The following SLFN12 variants were observed in gnomAD, a reference collection of about 807,000 sequenced individuals.
The protein encoded by SLFN12 is ribonuclease SLFN12.
SLFN12 carries 25 observed loss-of-function variants against 29.1 expected under a neutral mutation model. The ratio of observed to expected loss-of-function variants is 0.86; its 90% CI spans 0.63 to 1.20. SLFN12 has a LOEUF of 1.20. SLFN12 is among the 50% of genes most tolerant of loss of function. The pLI is 0.00. For missense variants in SLFN12, 660 were observed against 666.2 expected, an observed-to-expected ratio of 0.99 and a Z score of 0.10; for synonymous variants, 257 against 238.7, an observed-to-expected ratio of 1.08 and a Z score of -0.71.
chr17:35,425,659 CCATT>C (rs1447638220), intron 1 of SLFN12, among the ~76,000 whole-genome samples: 3 of 151,834 alleles, frequency 2.0e-5, no homozygotes, highest in Admixed American at 6.6e-5. Flanking sequence ...TTTTCTTTAT[CCATT>C]CATCTGTTGG....
intron 2 of SLFN12, among the ~76,000 whole-genome samples, chr17:35,421,456 C>T (rs1911642957): frequency 2.0e-5 from 3 of 149,318 alleles, no homozygotes; most frequent in African/African-American, 7.4e-5. Flanking sequence ...GGTAGGGCTA[C>T]TAAAAGTAGA....
In SLFN12 at chr17:35,420,327, G is replaced by A. The variant is rs1911549175; in HGVS notation, c.1094C>T (p.Ala365Val). ...VISQINTSLPAPHSWPLLEWQ... is the reference protein window; with the variant it reads ...VISQINTSLPVPHSWPLLEWQ... Reference sequence around the variant, plus strand: ...TTCCAAAAGAGGCCAACTGTGGGGAGCAGGTAATGACGTATTTATTTGAGA... The same window carrying A: ...TTCCAAAAGAGGCCAACTGTGGGGAACAGGTAATGACGTATTTATTTGAGA... Residue 365 changes from alanine to valine, a missense_variant, in exon 3 of 4, where the codon GCT (alanine) becomes GTT (valine). Physicochemically the swap from Ala to Val is moderately conservative, Grantham distance 64 (BLOSUM62 0). Transcript: ENST00000304905. The A allele has an allele frequency of 6.2e-7, 1 of 1,613,864 alleles. No homozygotes were observed. The highest frequency in any genetic ancestry group is 1.3e-5 in the African/African-American group (1 of 75,034).
Position 35,422,300 on chromosome 17 carries a change from T to C in SLFN12, c.729A>G (p.Glu243=). The C allele has an allele frequency of 6.2e-7, 1 of 1,613,876 alleles. No homozygotes were observed. Among genetic ancestry groups the C allele is most frequent in the Non-Finnish European group, 8.5e-7 (1 of 1,179,908 alleles). The change falls in exon 2 of 4, where the codon GAA becomes GAG. Residue 243 remains glutamate (E), a synonymous_variant. Coordinates refer to ENST00000304905, the MANE Select transcript of SLFN12 (RefSeq NM_018042.5). ...DGGYLFIGLN[E]DKEIIGFKAE... is the part of the protein sequence containing the mutation. ...CTTTAAAGCCAATTATTTCTTTATC[T>C]TCATTTAAACCAATGAACAAATATC...
chr17:35,422,710 C>CA lies in SLFN12; in HGVS notation c.318dup (p.Val107CysfsTer47), dbSNP rs748218170. On this transcript the variant is annotated frameshift_variant, in exon 2 of 4. Transcript: ENST00000304905. LOFTEE classifies it high-confidence loss of function. ...GAGGTGTTCAAGCTCCATGACTTCA[C>CA]AAAAATCAGAAAGTAGTTACCATTC... 4.3e-6 allele frequency: 7 copies of CA among 1,613,990 alleles called. No homozygotes were observed. The highest frequency in any genetic ancestry group is 3.4e-6 in the Non-Finnish European group (4 of 1,180,022).
In SLFN12 at chr17:35,432,496, T is replaced by C. The variant is rs1294867533; in HGVS notation, c.-349A>G. ...CAGTCTGAATGGTTGCAGAAAGCGA[T>C]CAATGGGAGGCTGAAGTGAAGTTAC... On this transcript the variant is annotated 5_prime_UTR_variant, in exon 1 of 4. Coordinates refer to ENST00000304905, the MANE Select transcript of SLFN12 (RefSeq NM_018042.5). 1 of 152,030 alleles carries C rather than the reference T, an allele frequency of 6.6e-6. No homozygotes were observed. Among genetic ancestry groups the C allele is most frequent in the Non-Finnish European group, 1.5e-5 (1 of 68,034 alleles). The allele number at this position is 152,030 out of a possible 1,614,324, so 9.4% of individuals were successfully genotyped here.
At chr17:35,418,919 G>C (rs955440134) in intron 3 of SLFN12, among the ~76,000 whole-genome samples, 1 of 152,108 alleles carries the variant, frequency 6.6e-6, no homozygotes, top group African/African-American at 2.4e-5. Flanking sequence ...CTGGGCTGGA[G>C]TACAGTGGTG....
At chr17:35,413,749 CAA>C (rs11362952) in intron 3 of SLFN12, among the ~76,000 whole-genome samples, 34 of 78,342 alleles carry the variant, frequency 4.3e-4, no homozygotes, top group African/African-American at 5.9e-4. Flanking sequence ...AACCATGTCT[CAA>C]AAAAAAAAAA....
rs932437067 is a variant in SLFN12 at position 35,426,785 on chromosome 17, G to T, written c.-40-3717C>A. On this transcript the variant is annotated intron_variant, in intron 1 of 3. Coordinates refer to ENST00000304905, the MANE Select transcript of SLFN12 (RefSeq NM_018042.5). ...GATCAGCTCAAGGAAAAAGCTTAAG[G>T]TCTTCTCAGGTCTTTTCTGAGCATT... 2.6e-5 allele frequency among the ~76,000 whole-genome samples: 4 copies of T among 152,074 alleles called. No individual in the cohort carries two copies. The South Asian group carries it at 6.2e-4, about 24-fold the overall frequency.
rs769683803 is a variant in SLFN12 at position 35,420,358 on chromosome 17, C to T, written c.1063G>A (p.Val355Met). 5 of 1,613,176 alleles carry T rather than the reference C, an allele frequency of 3.1e-6. No individual in the cohort carries two copies. The highest frequency in any genetic ancestry group is 4.2e-6 in the Non-Finnish European group (5 of 1,179,514). Residue 355 changes from valine (V) to methionine (M), a missense_variant, in exon 3 of 4, where the codon GTG becomes ATG. Coordinates refer to ENST00000304905, the MANE Select transcript of SLFN12 (RefSeq NM_018042.5). Reference sequence around the variant, plus strand: ...AATGACGTATTTATTTGAGAGATCACCTCTTCATATGAACTGGAAAATTCT... The same window carrying T: ...AATGACGTATTTATTTGAGAGATCATCTCTTCATATGAACTGGAAAATTCT... The part of the protein sequence containing the change: ...EPKFSSSYEE[V>M]ISQINTSLPA...
intron 3 of SLFN12, among the ~76,000 whole-genome samples, chr17:35,417,725 G>A (rs546621018): frequency 3.9e-5 from 6 of 152,158 alleles, no homozygotes; most frequent in Non-Finnish European, 8.8e-5. Context: ...TATACAAAAT[G>A]TAAATAATCT....
chr17:35,422,937 AT>A lies in SLFN12; in HGVS notation c.91del (p.Met31Ter). The A allele has an allele frequency of 2.5e-6, 4 of 1,613,590 alleles. No individual in the cohort carries two copies. The highest frequency in any genetic ancestry group is 3.4e-6 in the Non-Finnish European group (4 of 1,179,936). ...CTTTTTTCTCAGTTTACAATCCTTC[AT>A]TTTTTTCCTACTGTTCTCTCCAAGA... is the stretch of plus-strand genomic sequence containing the variant. ...VTLGENSRKK[M>X]KDCKLRKKQN... On this transcript the variant is annotated frameshift_variant, in exon 2 of 4. Transcript: ENST00000304905. LOFTEE classifies it high-confidence loss of function.
chr17:35,419,956 A>G (rs1295015114), intron 3 of SLFN12, among the ~76,000 whole-genome samples: 1 of 152,184 alleles, frequency 6.6e-6, no homozygotes, highest in African/African-American at 2.4e-5. Flanking sequence ...GTAACTGAAC[A>G]TAGCTATGCC....
chr17:35,411,669 T>C lies in SLFN12; in HGVS notation c.1406A>G (p.Tyr469Cys), dbSNP rs770875085. The C allele has an allele frequency of 1.1e-5, 17 of 1,613,908 alleles. No homozygotes were observed. In the East Asian group the frequency reaches 1.6e-4, roughly 15 times the overall value. Residue 469 changes from tyrosine to cysteine, a missense_variant, in exon 4 of 4, where the codon TAT becomes TGT. Tyr to Cys is a radical substitution (Grantham distance 194, BLOSUM62 -2). Transcript: ENST00000304905. ...HMVQDEEFKG[Y>C]STQTALTLKQ... is the part of the protein sequence containing the mutation. ...TAAGGTTAGGGCAGTTTGTGTAGAATAGCCTTTAAACTCCTCATCCTGTAC... is the reference window on the plus strand; with the variant it reads ...TAAGGTTAGGGCAGTTTGTGTAGAACAGCCTTTAAACTCCTCATCCTGTAC...
Position 35,422,371 on chromosome 17 carries a change from C to G in SLFN12, c.658G>C (p.Glu220Gln), listed in dbSNP as rs765077985. The G allele has an allele frequency of 2.0e-5, 32 of 1,613,922 alleles. No homozygotes were observed. Among genetic ancestry groups the G allele is most frequent in the Non-Finnish European group, 2.7e-5 (32 of 1,180,004 alleles). The change falls in exon 2 of 4, where the codon GAG becomes CAG. Residue 220 changes from glutamate (E) to glutamine (Q), a missense_variant. Coordinates refer to ENST00000304905, the MANE Select transcript of SLFN12 (RefSeq NM_018042.5). ...GCAGAAACATATTGAGGGAGAATCT[C>G]TTTAATTCGTTGTAACAACTTTTCT... ...STEKLLQRIK[E>Q]ILPQYVSAFA...
Position 35,411,207 on chromosome 17 carries a change from C to T in SLFN12, c.*131G>A. 1.5e-6 allele frequency: 1 copy of T among 654,452 alleles called. No individual in the cohort carries two copies. The highest frequency in any genetic ancestry group is 2.8e-5 in the East Asian group (1 of 35,532). 40.5% of individuals were successfully genotyped at this position (654,452 alleles called of 1,614,324 possible). A position where few individuals can be genotyped will look rare whatever the true frequency, so the allele number is the denominator to read the frequency against. ...TTATTTAGGGAGAAGTGAAAATAGA[C>T]AAAACCCAATTATCCAACATCACAT... On this transcript the variant is annotated 3_prime_UTR_variant, in exon 4 of 4. Coordinates refer to ENST00000304905, the MANE Select transcript of SLFN12 (RefSeq NM_018042.5).
At chr17:35,425,168 G>T (rs1031753130) in intron 1 of SLFN12, among the ~76,000 whole-genome samples, 1 of 151,936 alleles carries the variant, frequency 6.6e-6, no homozygotes, top group Non-Finnish European at 1.5e-5. Flanking sequence ...ACAGTGGTTT[G>T]TGCCTATGGT....
At position 35,415,359 on chromosome 17, in the gene SLFN12, C is replaced by T. The variant is rs577967264; in HGVS notation, c.1148-3432G>A. Among the ~76,000 whole-genome samples the T allele has an allele frequency of 5.3e-5, 8 of 152,130 alleles. No individual in the cohort carries two copies. The South Asian group carries it at 1.5e-3, about 28-fold the overall frequency. ...CTCATCTCTCACCTTATACAAAAACCAACCCAACAGGAATCAAAGACTTAA... is the reference window on the plus strand; with the variant it reads ...CTCATCTCTCACCTTATACAAAAACTAACCCAACAGGAATCAAAGACTTAA... On this transcript the variant is annotated intron_variant, in intron 3 of 3. Coordinates refer to ENST00000304905, the MANE Select transcript of SLFN12 (RefSeq NM_018042.5).
intron 3 of SLFN12, among the ~76,000 whole-genome samples, chr17:35,413,576 C>T (rs369647959): frequency 5.5e-4 from 84 of 151,828 alleles, no homozygotes; most frequent in African/African-American, 1.9e-3. Flanking sequence ...GGTGACACCC[C>T]GTCTCTACTA....
intron 3 of SLFN12, among the ~76,000 whole-genome samples, chr17:35,419,941 C>T (rs999498965): frequency 2.6e-5 from 4 of 152,156 alleles, no homozygotes; most frequent in African/African-American, 4.8e-5. Context: ...GATGGCGTTT[C>T]TTCAGTAACT....
Sources: gnomAD v4.1 joint callset for allele counts (sites outside exome capture counted in the v4.1 genomes callset) on GRCh38, gnomAD v4.1.1 for gene constraint, MANE v1.5 for transcripts, NCBI Gene and HGNC (gene_info 2026-07-23, HGNC 2026-07-21) for gene names.